The following ATP7A variants were observed in gnomAD, a reference collection of about 807,000 sequenced individuals.
ATP7A encodes ATPase copper transporting alpha, also known as copper-transporting ATPase 1.
ATP7A carries 7 observed loss-of-function variants against 83.5 expected under a neutral mutation model. That is an observed-to-expected ratio of 0.08 (90% CI 0.05 to 0.16). ATP7A has a LOEUF of 0.16. Among genes scored for constraint, ATP7A ranks in the 10% least tolerant of loss-of-function variants. ATP7A has a pLI of 1.00. For synonymous variants in ATP7A, 354 were observed against 395.2 expected, an observed-to-expected ratio of 0.90 and a Z score of 1.24; for missense variants, 940 against 1,120.8, an observed-to-expected ratio of 0.84 and a Z score of 2.30.
intron 1 of ATP7A, chrX:77,965,572 A>T: frequency 6.6e-6 from 1 of 151,881 alleles, no homozygotes; most frequent in Non-Finnish European, 1.3e-5. Flanking sequence ...TAAATGGTAC[A>T]GTCACTTTGG....
rs138039591 is a variant in ATP7A at position 77,989,631 on chromosome X, G to A, written c.1009G>A (p.Ala337Thr). The A allele has an allele frequency of 8.4e-4, 1,016 of 1,209,928 alleles. No homozygotes were observed. The highest frequency in any genetic ancestry group is 1.2e-3 in the South Asian group (66 of 56,837). ...TPESLRKAIE[A>T]VSPGLYRVSI... ...AGAATCCCTGAGAAAAGCAATAGAG[G>A]CTGTATCACCGGGGCTATATAGAGT... is the stretch of plus-strand genomic sequence containing the variant. The change falls in exon 4 of 23, where the codon GCT (alanine) becomes ACT (threonine). Residue 337 changes from alanine to threonine, a missense_variant. Ala to Thr is a moderately conservative substitution (Grantham distance 58, BLOSUM62 0). Coordinates refer to ENST00000341514, the MANE Select transcript of ATP7A (RefSeq NM_000052.7).
At chrX:78,005,544 G>A (rs781959076) in intron 6 of ATP7A, among the ~76,000 whole-genome samples, 144 of 108,181 alleles carry the variant, frequency 1.3e-3, no homozygotes, top group African/African-American at 4.5e-3. Flanking sequence ...TTAGCCGGGC[G>A]TGGTGGCACG....
Position 78,009,105 on chromosome X carries a change from A to C in ATP7A, c.1711A>C (p.Arg571=). 1 of 1,209,163 alleles carries C rather than the reference A, an allele frequency of 8.3e-7. No homozygotes were observed. The highest frequency in any genetic ancestry group is 1.1e-6 in the Non-Finnish European group (1 of 893,900). ...EGDGVLELVV[R]GMTCASCVHK... ...ACAAATGCTTTGTCTTTAACAGGTGAGGGGAATGACGTGTGCCTCCTGCGT... is the reference window on the plus strand; with the variant it reads ...ACAAATGCTTTGTCTTTAACAGGTGCGGGGAATGACGTGTGCCTCCTGCGT... Residue 571 remains arginine (R), a synonymous_variant, in exon 7 of 23, where the codon AGG becomes CGG. Coordinates refer to ENST00000341514, the MANE Select transcript of ATP7A (RefSeq NM_000052.7).
In ATP7A at chrX:77,969,350, C is replaced by T. The variant is rs782286209; in HGVS notation, c.-21-2271C>T. The T allele has an allele frequency of 4.1e-6, 5 of 1,208,756 alleles. No individual in the cohort carries two copies. In the East Asian group the frequency reaches 1.5e-4, roughly 36 times the overall value. ...GCAGCAGTTTCTGCTTTATTGAGAC[C>T]GGTTAGACCCCCATAGTGCCGCTCA... On this transcript the variant is annotated intron_variant, in intron 1 of 22. Transcript: ENST00000341514.
chrX:77,926,826 C>G (rs189493142), intron 1 of ATP7A, among the ~76,000 whole-genome samples: 2 of 110,365 alleles, frequency 1.8e-5, no homozygotes, highest in Admixed American at 9.7e-5. Flanking sequence ...CCTCAGCCCC[C>G]CAAGTAGCTG....
At chrX:77,949,904 C>T (rs992678568) in intron 1 of ATP7A, among the ~76,000 whole-genome samples, 20 of 111,808 alleles carry the variant, frequency 1.8e-4, no homozygotes, top group African/African-American at 5.5e-4. Flanking sequence ...TAACCAGAAA[C>T]GGAATTTATT....
intron 1 of ATP7A, among the ~76,000 whole-genome samples, chrX:77,956,731 CTT>C (rs2077443707): frequency 1.6e-5 from 1 of 63,730 alleles, no homozygotes; most frequent in Admixed American, 2.0e-4. Context: ...AGTCTCCTTT[CTT>C]TCTTTCTTTC....
At chrX:78,032,472 C>T (rs1476280188) in intron 16 of ATP7A, among the ~76,000 whole-genome samples, 2 of 111,940 alleles carry the variant, frequency 1.8e-5, no homozygotes, top group African/African-American at 6.5e-5. Context: ...GTGCTCATTT[C>T]CCCACATTCT....
At chrX:77,940,009 G>A (rs999055082) in intron 1 of ATP7A, among the ~76,000 whole-genome samples, 8 of 109,853 alleles carry the variant, frequency 7.3e-5, no homozygotes, top group Non-Finnish European at 1.5e-4. Context: ...TTTTGATGGA[G>A]GGAGGATCTG....
intron 1 of ATP7A, among the ~76,000 whole-genome samples, chrX:77,956,049 G>A (rs1312728136): frequency 9.1e-5 from 10 of 110,473 alleles, no homozygotes; most frequent in African/African-American, 2.6e-4. Context: ...ATCCATTGTC[G>A]GACATGGATT....
Position 78,038,851 on chromosome X carries a change from A to T in ATP7A, c.3527A>T (p.Gln1176Leu), listed in dbSNP as rs1250288679. Residue 1176 changes from glutamine (Q) to leucine (L), a missense_variant, in exon 18 of 23, where the codon CAG becomes CTG. By Grantham distance (113) the Gln-to-Leu change is moderately radical. Around this residue, in one of 3 missense-constraint regions of ATP7A, gnomAD observed 386 missense variants for 502.2 expected, o/e 0.77. Coordinates refer to ENST00000341514, the MANE Select transcript of ATP7A (RefSeq NM_000052.7). The part of the protein sequence containing the change: ...DAQISNALNA[Q>L]QYKVLIGNRE... The stretch of plus-strand genomic sequence containing the variant: ...CTACTTTCAGATGCTCTTAATGCTC[A>T]GCAGTATAAAGTCCTCATTGGTAAC... 2.5e-6 allele frequency: 3 copies of T among 1,208,929 alleles called. No homozygotes were observed. The African/African-American group carries it at 5.2e-5, about 21-fold the overall frequency.
rs1193845951 is a variant in ATP7A at position 78,020,845 on chromosome X, T to C, written c.2782-100T>C. On this transcript the variant is annotated intron_variant, in intron 13 of 22. Coordinates refer to ENST00000341514, the MANE Select transcript of ATP7A (RefSeq NM_000052.7). Reference sequence around the variant, plus strand: ...CATTAACATGAAGTTTGTTAAAATATTTCTATTTGTGCTAACTACTAAATA... The same window carrying C: ...CATTAACATGAAGTTTGTTAAAATACTTCTATTTGTGCTAACTACTAAATA... The C allele has an allele frequency of 7.3e-6, 7 of 953,235 alleles. No individual in the cohort carries two copies. The African/African-American group carries it at 7.8e-5, about 11-fold the overall frequency. The allele number at this position is 953,235 out of a possible 1,213,427, so 78.6% of individuals were successfully genotyped here.
intron 11 of ATP7A, among the ~76,000 whole-genome samples, chrX:78,015,046 CAT>C (rs2077852247): frequency 8.9e-6 from 1 of 112,149 alleles, no homozygotes; most frequent in South Asian, 3.7e-4. Flanking sequence ...ACAAAATGAA[CAT>C]TAATTCCTTA....
chrX:78,013,583 A>G (rs2077841904), intron 10 of ATP7A, among the ~76,000 whole-genome samples: 1 of 112,002 alleles, frequency 8.9e-6, no homozygotes, highest in Admixed American at 9.5e-5. Context: ...ATTATCTAAT[A>G]TTTCTGACTA....
chrX:77,933,176 T>A (rs1463252863), intron 1 of ATP7A, among the ~76,000 whole-genome samples: 1 of 111,617 alleles, frequency 9.0e-6, no homozygotes, highest in African/African-American at 3.3e-5. Flanking sequence ...CTGAAACAGA[T>A]GATGTTATGA....
intron 1 of ATP7A, among the ~76,000 whole-genome samples, chrX:77,966,217 T>A (rs1198400357): frequency 8.9e-6 from 1 of 112,313 alleles, no homozygotes; most frequent in Non-Finnish European, 1.9e-5. Flanking sequence ...TGTAAAACAA[T>A]GTATGTCAGA....
chrX:78,012,228 TCTTTTC>T (rs1557234642), intron 9 of ATP7A, among the ~76,000 whole-genome samples: 1 of 112,244 alleles, frequency 8.9e-6, no homozygotes, highest in African/African-American at 3.2e-5. Flanking sequence ...ATCAAATAAA[TCTTTTC>T]CTTTATCTGA....
At chrX:78,010,064 G>T (rs2077806619) in intron 7 of ATP7A, among the ~76,000 whole-genome samples, 1 of 112,503 alleles carries the variant, frequency 8.9e-6, no homozygotes, top group South Asian at 3.6e-4. Flanking sequence ...GTGATTTAAA[G>T]CATTTTATTA....
In ATP7A at chrX:78,040,615, T is replaced by C; in HGVS notation, c.3683T>C (p.Ile1228Thr). Residue 1228 changes from isoleucine (I) to threonine (T), a missense_variant, in exon 19 of 23, where the codon ATT becomes ACT. Coordinates refer to ENST00000341514, the MANE Select transcript of ATP7A (RefSeq NM_000052.7). ...VDDELCGLIA[I>T]ADTVKPEAEL... ...GATGAGCTGTGTGGCTTGATAGCCA[T>C]TGCAGACACAGTGAAGCCTGAAGCA... The C allele has an allele frequency of 8.3e-7, 1 of 1,211,544 alleles. No homozygotes were observed. Among genetic ancestry groups the C allele is most frequent in the Non-Finnish European group, 1.1e-6 (1 of 895,050 alleles).
Sources: gnomAD v4.1 joint callset for allele counts (sites outside exome capture counted in the v4.1 genomes callset) on GRCh38, gnomAD v4.1.1 for gene constraint, gnomAD v4.1.1 regional missense constraint, MANE v1.5 for transcripts, NCBI Gene and HGNC (gene_info 2026-07-23, HGNC 2026-07-21) for gene names.